WWOX: variants seen among roughly 807,000 people sequenced by gnomAD.
WWOX encodes WW domain-containing oxidoreductase.
Under a neutral mutation model 46.2 loss-of-function variants are expected in WWOX, and 69 were observed. The observed-to-expected ratio is 1.49, with a 90% CI of 1.23 to 1.82. The LOEUF (loss-of-function observed/expected upper bound fraction) is 1.82, where lower values mean the gene tolerates loss of function less well. WWOX is among the 40% of genes most tolerant of loss of function. The probability of loss-of-function intolerance (pLI) is 0.00; values close to 1 mark genes in which losing one functional copy is unlikely to be tolerated. For synonymous variants in WWOX, 359 were observed against 202.6 expected (o/e 1.77, Z -6.56); for missense variants, 919 against 542.6 (o/e 1.69, Z -6.89).
At position 78,639,804 on chromosome 16, in the gene WWOX, G is replaced by C. The variant is rs144683343; in HGVS notation, c.1056+207052G>C. ...TGGTCTTGAACTCCTGACCTCAGGT[G>C]ATCCACCTGCCCCAGCCTCCCACAG... On this transcript the variant is annotated intron_variant, in intron 8 of 8. Transcript: ENST00000566780. Among the ~76,000 whole-genome samples, 1,121 of 152,226 alleles carry C rather than the reference G, an allele frequency of 7.4e-3. 13 individuals are homozygous for C. The highest frequency in any genetic ancestry group is 0.023 in the African/African-American group (972 of 41,546).
chr16:78,649,673 C>G (rs1373610154), intron 8 of WWOX, among the ~76,000 whole-genome samples: 2 of 152,210 alleles, frequency 1.3e-5, no homozygotes, highest in Non-Finnish European at 2.9e-5. Context: ...GACTCTGCCC[C>G]CTTTTGACCT....
chr16:79,106,030 G>C (rs2049301472), intron 8 of WWOX: 1 of 152,154 alleles, frequency 6.6e-6, no homozygotes, highest in African/African-American at 2.4e-5. Context: ...TGATACCATA[G>C]TATCCCATTA....
At chr16:78,783,336 G>A (rs1387021683) in intron 8 of WWOX, among the ~76,000 whole-genome samples, 2 of 152,246 alleles carry the variant, frequency 1.3e-5, no homozygotes, top group African/African-American at 4.8e-5. Context: ...AGTGGAGACA[G>A]GCTTGGGCTG....
intron 4 of WWOX, among the ~76,000 whole-genome samples, chr16:78,126,722 C>G (rs931949198): frequency 2.6e-5 from 4 of 152,158 alleles, no homozygotes; most frequent in Non-Finnish European, 5.9e-5. Context: ...CACATCTTGT[C>G]TATTATGCCA....
At chr16:78,725,011 T>A (rs2048791637) in intron 8 of WWOX, among the ~76,000 whole-genome samples, 1 of 152,122 alleles carries the variant, frequency 6.6e-6, no homozygotes, top group Non-Finnish European at 1.5e-5. Flanking sequence ...CCCACCCAAA[T>A]CTCATCTTGA....
intron 8 of WWOX, among the ~76,000 whole-genome samples, chr16:78,575,790 C>T (rs2044863553): frequency 6.6e-6 from 1 of 152,082 alleles, no homozygotes; most frequent in East Asian, 1.9e-4. Context: ...GTGAAGTTAT[C>T]AACATATAAT....
intron 8 of WWOX, among the ~76,000 whole-genome samples, chr16:78,592,503 G>A (rs573512199): frequency 4.6e-5 from 7 of 152,288 alleles, no homozygotes; most frequent in South Asian, 2.1e-4. Flanking sequence ...CCCTGGACTC[G>A]CAGAGAATCA....
In WWOX at chr16:78,560,811, A is replaced by G. The variant is rs185301438; in HGVS notation, c.1056+128059A>G. 1.1e-3 allele frequency among the ~76,000 whole-genome samples: 164 copies of G among 152,316 alleles called. 2 individuals carry two copies. The highest frequency in any genetic ancestry group is 3.8e-3 in the African/African-American group (157 of 41,570). On this transcript the variant is annotated intron_variant, in intron 8 of 8. Transcript: ENST00000566780. ...GTCATTGTGAATGCCAAAGAAATGA[A>G]CAGGAGAAAATTTTATTTGAAAGCT...
Position 78,579,857 on chromosome 16 carries a change from G to T in WWOX, c.1056+147105G>T, listed in dbSNP as rs1287522512. On this transcript the variant is annotated intron_variant, in intron 8 of 8. Coordinates refer to ENST00000566780, the MANE Select transcript of WWOX (RefSeq NM_016373.4). ...GAAATGTCTCTTCTTCTGAAATGAG[G>T]CTGCCTCGAAGACTCACTGGAACCC... is the stretch of plus-strand genomic sequence containing the variant. Among the ~76,000 whole-genome samples, 3 of 152,208 alleles carry T rather than the reference G, an allele frequency of 2.0e-5. No individual in the cohort carries two copies. In the South Asian group the frequency reaches 6.2e-4, roughly 32 times the overall value.
intron 8 of WWOX, among the ~76,000 whole-genome samples, chr16:78,917,911 T>A (rs2045289437): frequency 6.6e-6 from 1 of 152,120 alleles, no homozygotes. Flanking sequence ...TTTAAGAAAT[T>A]GTCATATAGG....
chr16:78,819,728 G>T (rs144578728), intron 8 of WWOX, among the ~76,000 whole-genome samples: 1 of 152,278 alleles, frequency 6.6e-6, no homozygotes, highest in Non-Finnish European at 1.5e-5. Flanking sequence ...GCAATTCTGG[G>T]GTTCGCCTGC....
intron 8 of WWOX, among the ~76,000 whole-genome samples, chr16:78,632,625 C>A (rs1446856634): frequency 7.8e-6 from 1 of 128,188 alleles, no homozygotes; most frequent in Non-Finnish European, 1.6e-5. Context: ...ATGGTGCGAT[C>A]TCAGCTCCCT....
At chr16:78,794,368 G>A (rs1110434) in intron 8 of WWOX, among the ~76,000 whole-genome samples, 1 of 151,984 alleles carries the variant, frequency 6.6e-6, no homozygotes. Context: ...TCAGGAAGCT[G>A]CCTTATTTGT....
At chr16:79,015,791 C>T (rs994872848) in intron 8 of WWOX, among the ~76,000 whole-genome samples, 5 of 146,554 alleles carry the variant, frequency 3.4e-5, no homozygotes, top group East Asian at 1.9e-4. Context: ...GTCGCTCTGT[C>T]GCCAAGGTGG....
At chr16:78,890,763 A>G (rs1337043795) in intron 8 of WWOX, 1 of 152,180 alleles carries the variant, frequency 6.6e-6, no homozygotes, top group Non-Finnish European at 1.5e-5. Flanking sequence ...TTTTATCTAA[A>G]TGCCAGCCTT....
At chr16:78,641,594 G>T (rs1250000970) in intron 8 of WWOX, among the ~76,000 whole-genome samples, 2 of 152,158 alleles carry the variant, frequency 1.3e-5, no homozygotes, top group Non-Finnish European at 2.9e-5. Context: ...AGGGAAACAT[G>T]AAAGGGAGCC....
At position 78,593,866 on chromosome 16, in the gene WWOX, T is replaced by C. The variant is rs532006559; in HGVS notation, c.1056+161114T>C. Among the ~76,000 whole-genome samples the C allele has an allele frequency of 3.9e-5, 6 of 152,280 alleles. No individual in the cohort carries two copies. The East Asian group carries it at 1.2e-3, about 29-fold the overall frequency. Reference sequence around the variant, plus strand: ...GTCCCTGGGTCAGCTGGGCCATACATTTGTAAGCTGTAGACAAACAAAAAT... The same window carrying C: ...GTCCCTGGGTCAGCTGGGCCATACACTTGTAAGCTGTAGACAAACAAAAAT... On this transcript the variant is annotated intron_variant, in intron 8 of 8. Coordinates refer to ENST00000566780, the MANE Select transcript of WWOX (RefSeq NM_016373.4).
chr16:78,942,729 A>G (rs1446653390), intron 8 of WWOX, among the ~76,000 whole-genome samples: 1 of 152,214 alleles, frequency 6.6e-6, no homozygotes, highest in East Asian at 1.9e-4. Context: ...ATCGCAAGAC[A>G]TAGGGGAGAA....
chr16:78,243,204 G>C (rs1024745335), intron 5 of WWOX, among the ~76,000 whole-genome samples: 1 of 151,858 alleles, frequency 6.6e-6, no homozygotes, highest in Admixed American at 6.6e-5. Context: ...AGTAATACAC[G>C]TTTCTTCTAT....
Sources: gnomAD v4.1 joint callset for allele counts (sites outside exome capture counted in the v4.1 genomes callset) on GRCh38, gnomAD v4.1.1 for gene constraint, MANE v1.5 for transcripts, NCBI Gene and HGNC (gene_info 2026-07-23, HGNC 2026-07-21) for gene names.